Variants in SPAG16 observed in about 807,000 individuals in gnomAD.
The protein encoded by SPAG16 is sperm-associated antigen 16 protein.
A neutral mutation model predicts 80.4 loss-of-function variants in SPAG16; 86 were observed. The observed-to-expected ratio is 1.07, with a 90% CI of 0.90 to 1.28. SPAG16 has a LOEUF of 1.28. SPAG16 is among the 50% of genes most tolerant of loss of function. The pLI is 0.00. For missense variants in SPAG16, 870 were observed against 765.3 expected, an observed-to-expected ratio of 1.14 and a Z score of -1.61; for synonymous variants, 294 against 265.9, an observed-to-expected ratio of 1.11 and a Z score of -1.03.
intron 10 of SPAG16, among the ~76,000 whole-genome samples, chr2:213,841,856 G>T (rs938201274): frequency 7.2e-5 from 11 of 152,124 alleles, no homozygotes; most frequent in East Asian, 1.9e-4. Context: ...ATATGTATAA[G>T]AATTTTTTTT....
At chr2:214,087,465 G>A (rs964571302) in intron 13 of SPAG16, among the ~76,000 whole-genome samples, 3 of 151,990 alleles carry the variant, frequency 2.0e-5, no homozygotes, top group African/African-American at 7.3e-5. Flanking sequence ...TTATGTCCCA[G>A]GAAACTGTGC....
chr2:214,370,666 T>C (rs956707606), intron 15 of SPAG16, among the ~76,000 whole-genome samples: 2 of 152,182 alleles, frequency 1.3e-5, no homozygotes, highest in Non-Finnish European at 2.9e-5. Flanking sequence ...CTAACATATA[T>C]GTAATGTTAA....
chr2:214,294,677 T>C (rs1022776689), intron 15 of SPAG16, among the ~76,000 whole-genome samples: 16 of 152,216 alleles, frequency 1.1e-4, no homozygotes, highest in African/African-American at 3.9e-4. Flanking sequence ...AAGTCATGAA[T>C]TTAGTCATAA....
intron 9 of SPAG16, among the ~76,000 whole-genome samples, chr2:213,483,336 G>A (rs997989094): frequency 4.6e-5 from 7 of 152,064 alleles, no homozygotes; most frequent in African/African-American, 1.7e-4. Flanking sequence ...ATTATGGAAG[G>A]TGTTTGGTCA....
intron 10 of SPAG16, among the ~76,000 whole-genome samples, chr2:213,607,463 C>G (rs1190304992): frequency 6.6e-6 from 1 of 152,144 alleles, no homozygotes; most frequent in South Asian, 2.1e-4. Context: ...AAGATTAAGT[C>G]CATTCACTCA....
chr2:213,387,147 A>ATT (rs1369545157), intron 9 of SPAG16, among the ~76,000 whole-genome samples: 14 of 152,160 alleles, frequency 9.2e-5, no homozygotes, highest in African/African-American at 3.4e-4. Context: ...AAAGGATCAA[A>ATT]TGGTATCCAC....
intron 4 of SPAG16, among the ~76,000 whole-genome samples, chr2:213,312,186 ATATT>A (rs996937273): frequency 4.0e-4 from 61 of 151,844 alleles, no homozygotes; most frequent in African/African-American, 1.4e-3. Flanking sequence ...CAATTCTAAA[ATATT>A]TATTCTCTGA....
chr2:214,062,578 T>C lies in SPAG16; in HGVS notation c.1528-45618T>C, dbSNP rs1046111240. Among the ~76,000 whole-genome samples, 10 of 151,958 alleles carry C rather than the reference T, an allele frequency of 6.6e-5. 1 individual carries two copies. Among genetic ancestry groups the C allele is most frequent in the Admixed American group, 2.0e-4 (3 of 15,258 alleles). ...GGTGAGAACAAAAACCTTGAAGTTA[T>C]TATTTTACTCCTCTCTTTCTCTCCA... On this transcript the variant is annotated intron_variant, in intron 13 of 15. Coordinates refer to ENST00000331683, the MANE Select transcript of SPAG16 (RefSeq NM_024532.5).
chr2:213,908,925 C>T (rs1575521620), intron 11 of SPAG16, among the ~76,000 whole-genome samples: 1 of 151,198 alleles, frequency 6.6e-6, no homozygotes, highest in East Asian at 2.0e-4. Context: ...CCTCCCTCCT[C>T]CCCCCCACCA....
intron 14 of SPAG16, among the ~76,000 whole-genome samples, chr2:214,137,410 G>A (rs1469638765): frequency 2.6e-5 from 4 of 151,916 alleles, no homozygotes; most frequent in Non-Finnish European, 5.9e-5. Flanking sequence ...AATTATACAT[G>A]TTATAGTTTT....
At chr2:214,402,473 A>G (rs1382568473) in intron 15 of SPAG16, among the ~76,000 whole-genome samples, 1 of 151,816 alleles carries the variant, frequency 6.6e-6, no homozygotes, top group African/African-American at 2.4e-5. Context: ...GCAAAACAAG[A>G]ACTGTTTTTT....
intron 14 of SPAG16, among the ~76,000 whole-genome samples, chr2:214,138,067 T>C (rs1432853012): frequency 6.6e-6 from 1 of 152,254 alleles, no homozygotes; most frequent in East Asian, 1.9e-4. Context: ...GTCCAGGAAC[T>C]GAACTGATAT....
intron 1 of SPAG16, chr2:213,285,881 C>T: frequency 1.6e-6 from 2 of 1,288,904 alleles, no homozygotes; most frequent in African/African-American, 3.0e-5. Context: ...ATAATTCTTC[C>T]TAAGCTTATC....
chr2:214,038,220 A>C (rs1301290585), intron 13 of SPAG16, among the ~76,000 whole-genome samples: 1 of 152,020 alleles, frequency 6.6e-6, no homozygotes, highest in Admixed American at 6.6e-5. Flanking sequence ...TTGTTCTAGC[A>C]GTCAATTTTT....
chr2:213,971,975 C>G (rs1160342714), intron 12 of SPAG16, among the ~76,000 whole-genome samples: 1 of 150,954 alleles, frequency 6.6e-6, no homozygotes, highest in African/African-American at 2.4e-5. Flanking sequence ...GGGTGCATAG[C>G]CATATATATT....
At chr2:213,818,831 C>T (rs1439608926) in intron 10 of SPAG16, among the ~76,000 whole-genome samples, 2 of 152,032 alleles carry the variant, frequency 1.3e-5, no homozygotes, top group Non-Finnish European at 2.9e-5. Flanking sequence ...TTCCCCTGTG[C>T]TCTCTCTCTC....
At chr2:213,635,517 T>C (rs1330932088) in intron 10 of SPAG16, among the ~76,000 whole-genome samples, 2 of 152,208 alleles carry the variant, frequency 1.3e-5, no homozygotes, top group Non-Finnish European at 2.9e-5. Context: ...GTTGTACTGG[T>C]TCACATTCCC....
intron 13 of SPAG16, among the ~76,000 whole-genome samples, chr2:214,019,289 A>G (rs2047740604): frequency 7.0e-6 from 1 of 143,626 alleles, no homozygotes; most frequent in Non-Finnish European, 1.5e-5. Context: ...TTTTTTTTTA[A>G]AGAAAAGAAT....
At chr2:213,684,234 G>A (rs187553444) in intron 10 of SPAG16, among the ~76,000 whole-genome samples, 32 of 152,288 alleles carry the variant, frequency 2.1e-4, no homozygotes, top group African/African-American at 7.0e-4. Flanking sequence ...CACAAAAAAC[G>A]TGTGACTAAC....
Sources: allele counts gnomAD v4.1 joint callset (sites outside exome capture counted in the v4.1 genomes callset), GRCh38; gene constraint gnomAD v4.1.1; transcripts MANE v1.5; gene names NCBI Gene and HGNC (gene_info 2026-07-23, HGNC 2026-07-21).